The following PDGFA variants were observed in gnomAD, a reference collection of about 807,000 sequenced individuals.
PDGFA encodes the protein platelet-derived growth factor subunit A.
In PDGFA, 9 loss-of-function variants were observed where a neutral mutation model predicts 25.6. The ratio of observed to expected loss-of-function variants is 0.35; its 90% confidence interval spans 0.21 to 0.61. The LOEUF (loss-of-function observed/expected upper bound fraction) is 0.61, where lower values mean the gene tolerates loss of function less well. Ranked by LOEUF, PDGFA falls within the 20% of genes least tolerant of loss-of-function variation. The pLI is 0.75. For missense variants in PDGFA, 242 were observed against 272.8 expected, an observed-to-expected ratio of 0.89 and a Z score of 0.79; for synonymous variants, 133 against 111.8, an observed-to-expected ratio of 1.19 and a Z score of -1.20.
chr7:509,935 C>A (rs776766248), intron 4 of PDGFA, among the ~76,000 whole-genome samples: 91 of 152,322 alleles, frequency 6.0e-4, no homozygotes, highest in Non-Finnish European at 1.1e-3. Flanking sequence ...CTCGAGCCCA[C>A]CCCAAGCACT....
intron 2 of PDGFA, among the ~76,000 whole-genome samples, chr7:514,676 C>T (rs1430769818): frequency 6.6e-6 from 1 of 152,232 alleles, no homozygotes; most frequent in Non-Finnish European, 1.5e-5. Context: ...GCATTACTGG[C>T]CCGAGATGGG....
At position 501,962 on chromosome 7, in the gene PDGFA, C is replaced by A. The variant is rs181480748; in HGVS notation, c.454-720G>T. ...AAGCCAGGCTGAGCATGGTGGCTCACGCCTGTAATCCCAGCACTTTGGAAG... is the reference window on the plus strand; with the variant it reads ...AAGCCAGGCTGAGCATGGTGGCTCAAGCCTGTAATCCCAGCACTTTGGAAG... On this transcript the variant is annotated intron_variant, in intron 4 of 5. Transcript: ENST00000402802. 3.1e-3 allele frequency among the ~76,000 whole-genome samples: 465 copies of A among 152,264 alleles called. 5 individuals carry two copies. Among genetic ancestry groups the A allele is most frequent in the Non-Finnish European group, 2.7e-3 (186 of 68,022 alleles).
At chr7:501,732 G>A (rs1282991910) in intron 4 of PDGFA, among the ~76,000 whole-genome samples, 2 of 152,118 alleles carry the variant, frequency 1.3e-5, no homozygotes, top group Non-Finnish European at 2.9e-5. Flanking sequence ...GTTGGAGCAT[G>A]GTATTTAGCA....
In PDGFA at chr7:516,105, C is replaced by CA. The variant is rs573070796; in HGVS notation, c.160+1288dup. Among the ~76,000 whole-genome samples, 341 of 142,970 alleles carry CA rather than the reference C, an allele frequency of 2.4e-3. 3 individuals are homozygous for CA. The highest frequency in any genetic ancestry group is 8.6e-3 in the African/African-American group (328 of 38,190). The allele number at this position is 142,970 out of a possible 152,430, so 93.8% of individuals were successfully genotyped here. The stretch of plus-strand genomic sequence containing the variant: ...GAGATTCAGGCAAGGGATTCCCCCC[C>CA]ACAAACCAGAGCCAGATCCTTTTCC... On this transcript the variant is annotated intron_variant, in intron 2 of 5. Transcript: ENST00000402802.
In PDGFA at chr7:511,314, AGGT is replaced by A. The variant is rs755206542; in HGVS notation, c.266-321_266-319del. On this transcript the variant is annotated intron_variant, in intron 3 of 5. Coordinates refer to ENST00000402802, the Ensembl canonical transcript of PDGFA. ...GGGTGGGGAGAGGGGAACTTAGTCC[AGGT>A]GGGGCCAGAGACTGGGGGTGGGGAG... Among the ~76,000 whole-genome samples the A allele has an allele frequency of 4.8e-3, 383 of 79,220 alleles. 3 individuals are homozygous for A. Among genetic ancestry groups the A allele is most frequent in the Non-Finnish European group, 5.8e-3 (280 of 48,328 alleles). 52.0% of individuals were successfully genotyped at this position (79,220 alleles called of 152,430 possible). A position where few individuals can be genotyped will look rare whatever the true frequency, so the allele number is the denominator to read the frequency against.
rs905362487 is a variant in PDGFA at position 500,686 on chromosome 7, C to G, written c.580+430G>C. ...GCCATAGCAGGGCACAGAAGCCATT[C>G]TGCTCCTGGGTGGAGTCCGCGTGGC... On this transcript the variant is annotated intron_variant, in intron 5 of 5. Coordinates refer to ENST00000402802, the Ensembl canonical transcript of PDGFA. The surrounding 1 kb of genome is among the most constrained non-coding windows in gnomAD (Gnocchi z 5.0). The G allele has an allele frequency of 3.4e-6, 5 of 1,449,524 alleles. No individual in the cohort carries two copies. The African/African-American group carries it at 7.1e-5, about 21-fold the overall frequency. The allele number at this position is 1,449,524 out of a possible 1,614,324, so 89.8% of individuals were successfully genotyped here. A position where few individuals can be genotyped will look rare whatever the true frequency, so the allele number is the denominator to read the frequency against.
At chr7:498,555 G>A (rs375939364) in exon 6 of PDGFA, 28 of 1,608,876 alleles carry the variant, frequency 1.7e-5, no homozygotes, top group Middle Eastern at 1.7e-4. Flanking sequence ...AAAGGGCTGC[G>A]GCTCATCCTC....
Position 518,926 on chromosome 7 carries a change from G to A in PDGFA, c.63+13C>T. The A allele has an allele frequency of 6.6e-7, 1 of 1,511,164 alleles. No individual in the cohort carries two copies. Among genetic ancestry groups the A allele is most frequent in the Admixed American group, 2.1e-5 (1 of 48,602 alleles). The allele number at this position is 1,511,164 out of a possible 1,614,324, so 93.6% of individuals were successfully genotyped here. ...GAGCCGGCGCAGGGACGGGGCGCGG[G>A]GGCGGCACCAACCTCGGCCAGAACA... On this transcript the variant is annotated intron_variant, in intron 1 of 5. Coordinates refer to ENST00000402802, the Ensembl canonical transcript of PDGFA.
chr7:510,701 T>TGGGTGGGGAG, intron 4 of PDGFA, 108 bp downstream of exon 4: 1 of 324,554 alleles, frequency 3.1e-6, no homozygotes, highest in Non-Finnish European at 5.3e-6. Context: ...GCCCCGGGCT[T>TGGGTGGGGAG]GGGTGGGGAG....
At chr7:504,443 A>G (rs1445560809) in intron 4 of PDGFA, among the ~76,000 whole-genome samples, 1 of 152,046 alleles carries the variant, frequency 6.6e-6, no homozygotes, top group African/African-American at 2.4e-5. Flanking sequence ...TAGGGATCCC[A>G]GTGCGCAAAA....
intron 4 of PDGFA, among the ~76,000 whole-genome samples, chr7:504,271 C>T (rs920574762): frequency 6.6e-6 from 1 of 152,062 alleles, no homozygotes; most frequent in East Asian, 1.9e-4. Flanking sequence ...CTAGAGCCAC[C>T]CTCCTGTTGA....
chr7:498,601 C>T (rs761669952), intron 5 of PDGFA, 27 bp from the exon 6 acceptor site: 1 of 1,608,816 alleles, frequency 6.2e-7, no homozygotes, highest in East Asian at 2.2e-5. Flanking sequence ...AAGACAGACA[C>T]TGAGACCACC....
At chr7:520,253 G>C (rs2128410343), upstream of PDGFA, 1 of 198,112 alleles carries the variant, frequency 5.0e-6, no homozygotes, top group African/African-American at 2.4e-5. Context: ...GCGCCAAAAA[G>C]GGCCAGAGAG....
Position 517,661 on chromosome 7 carries a change from G to C in PDGFA, c.64-171C>G, listed in dbSNP as rs552361233. Among the ~76,000 whole-genome samples the C allele has an allele frequency of 4.0e-5, 6 of 151,500 alleles. No individual in the cohort carries two copies. In the East Asian group the frequency reaches 1.2e-3, roughly 30 times the overall value. On this transcript the variant is annotated intron_variant, in intron 1 of 5. Transcript: ENST00000402802. This position sits in a 1 kb window ranked among gnomAD's most constrained non-coding sequence, Gnocchi z 7.4. ...CGCCCCGGCCCTGGAACCAGAAGCC[G>C]GGGGTGGGGCTGGAAGAGACCCCAA...
At chr7:497,934 T>C (rs1215575498) in exon 6 of PDGFA, 1 of 35,632 alleles carries the variant, frequency 2.8e-5, no homozygotes, top group African/African-American at 1.1e-4. Context: ...AATCACTTTA[T>C]GGTGTAAAAA....
exon 1 of PDGFA, chr7:519,129 G>C: frequency 7.9e-6 from 5 of 635,316 alleles, no homozygotes; most frequent in Non-Finnish European, 1.3e-5. Flanking sequence ...GGGTGGCGCG[G>C]GGAGCACGGA....
intron 4 of PDGFA, among the ~76,000 whole-genome samples, chr7:505,529 AC>A (rs1338534212): frequency 1.3e-5 from 2 of 152,000 alleles, no homozygotes; most frequent in East Asian, 3.9e-4. Flanking sequence ...GGGGGACCCC[AC>A]CCCAACTCCA....
At chr7:502,139 T>C (rs1215132869) in intron 4 of PDGFA, among the ~76,000 whole-genome samples, 1 of 152,094 alleles carries the variant, frequency 6.6e-6, no homozygotes, top group Admixed American at 6.5e-5. Flanking sequence ...GGAGGATCGC[T>C]TGAGCCCAGG....
chr7:507,543 C>T (rs980552491), intron 4 of PDGFA, among the ~76,000 whole-genome samples: 2 of 152,246 alleles, frequency 1.3e-5, no homozygotes, highest in African/African-American at 4.8e-5. Context: ...CCTATCCTCA[C>T]CCCATGACAG....
Sources: allele counts gnomAD v4.1 joint callset (sites outside exome capture counted in the v4.1 genomes callset), GRCh38; gene constraint gnomAD v4.1.1; non-coding constraint Gnocchi (gnomAD v3.1); transcripts MANE v1.5; gene names NCBI Gene and HGNC (gene_info 2026-07-23, HGNC 2026-07-21).